FAT3: variants seen among roughly 807,000 people sequenced by gnomAD.
FAT3 encodes protocadherin Fat 3.
A neutral mutation model predicts 310.2 loss-of-function variants in FAT3; 95 were observed. That is an observed-to-expected ratio of 0.31 (90% confidence interval 0.26 to 0.36). The LOEUF (loss-of-function observed/expected upper bound fraction) is 0.36. FAT3 is among the 10% of genes least tolerant of loss of function. The pLI is 1.00. For missense variants in FAT3, 5,408 were observed against 5,715.6 expected (o/e 0.95, Z 1.74); for synonymous variants, 2,314 against 2,192.9 (o/e 1.06, Z -1.54).
chr11:92,781,080 T>TTA (rs1946739573), intron 7 of FAT3, among the ~76,000 whole-genome samples: 1 of 145,812 alleles, frequency 6.9e-6, no homozygotes, highest in Non-Finnish European at 1.5e-5. Flanking sequence ...TTATTCTTTT[T>TTA]TTTTTTTTTT....
chr11:92,461,532 A>G (rs776767551), intron 2 of FAT3, among the ~76,000 whole-genome samples: 3 of 152,174 alleles, frequency 2.0e-5, no homozygotes, highest in Non-Finnish European at 2.9e-5. Context: ...GAAGAATCTT[A>G]CTTGAGCAGT....
Position 92,352,964 on chromosome 11 carries a change from G to A in FAT3, c.852G>A (p.Val284=). 1 of 1,613,848 alleles carries A rather than the reference G, an allele frequency of 6.2e-7. No homozygotes were observed. The highest frequency in any genetic ancestry group is 8.5e-7 in the Non-Finnish European group (1 of 1,179,848). ...FSLEKEPTYA[V]VTVDDLDDGA... ...TGGAAAAAGAGCCAACATATGCAGTGGTGACAGTTGATGACTTAGATGATG... is the reference window on the plus strand; with the variant it reads ...TGGAAAAAGAGCCAACATATGCAGTAGTGACAGTTGATGACTTAGATGATG... The change falls in exon 2 of 28, where the codon GTG becomes GTA. Residue 284 remains valine, a synonymous_variant. Coordinates refer to ENST00000525166, the MANE Select transcript of FAT3 (RefSeq NM_001367949.2).
chr11:92,589,413 G>A (rs1208384346), intron 3 of FAT3, among the ~76,000 whole-genome samples: 1 of 152,034 alleles, frequency 6.6e-6, no homozygotes, highest in Non-Finnish European at 1.5e-5. Context: ...TTTGTCAAAG[G>A]ACACATGACT....
rs536684855 is a variant in FAT3 at position 92,798,626 on chromosome 11, T to C, written c.5613T>C (p.Ile1871=). Residue 1871 remains isoleucine, a synonymous_variant, in exon 10 of 28, where the codon ATT becomes ATC. Coordinates refer to ENST00000525166, the MANE Select transcript of FAT3 (RefSeq NM_001367949.2). ...CAGAGAGTCCCGTTGAAGTCAACATTGAGGTGACAGATGTGAATGATAACC... is the reference window on the plus strand; with the variant it reads ...CAGAGAGTCCCGTTGAAGTCAACATCGAGGTGACAGATGTGAATGATAACC... ...LTAESPVEVN[I]EVTDVNDNPP... The C allele has an allele frequency of 1.6e-5, 26 of 1,613,776 alleles. No individual in the cohort carries two copies. The East Asian group carries it at 5.6e-4, about 35-fold the overall frequency.
intron 4 of FAT3, among the ~76,000 whole-genome samples, chr11:92,752,170 T>A (rs753639466): frequency 1.4e-4 from 22 of 152,260 alleles, no homozygotes; most frequent in Non-Finnish European, 2.5e-4. Flanking sequence ...AAAGCAGCCA[T>A]AGATAATATG....
Position 92,355,520 on chromosome 11 carries a change from G to T in FAT3, c.3292+116G>T, listed in dbSNP as rs11820211. 580 of 1,001,194 alleles carry T rather than the reference G, an allele frequency of 5.8e-4. 3 individuals carry two copies. The African/African-American group carries it at 8.7e-3, about 15-fold the overall frequency. The allele number at this position is 1,001,194 out of a possible 1,614,324, so 62.0% of individuals were successfully genotyped here. A position where few individuals can be genotyped will look rare whatever the true frequency, so the allele number is the denominator to read the frequency against. On this transcript the variant is annotated intron_variant, in intron 2 of 27. Transcript: ENST00000525166. ...AGAATGACAAATGAGGTTGCATTTG[G>T]TGCAGAGACGACGCACATAGATGCT...
At chr11:92,287,820 G>A (rs1174619627) in intron 1 of FAT3, among the ~76,000 whole-genome samples, 1 of 152,096 alleles carries the variant, frequency 6.6e-6, no homozygotes, top group African/African-American at 2.4e-5. Context: ...AGGTTCCCAG[G>A]TAGCAGCTCT....
chr11:92,421,414 T>A (rs1950530611), intron 2 of FAT3, among the ~76,000 whole-genome samples: 1 of 152,304 alleles, frequency 6.6e-6, no homozygotes, highest in Admixed American at 6.5e-5. Flanking sequence ...TGTTTAAATA[T>A]CTATTGAGCC....
intron 2 of FAT3, among the ~76,000 whole-genome samples, chr11:92,430,289 A>G (rs1316839322): frequency 6.6e-6 from 1 of 151,980 alleles, no homozygotes; most frequent in Non-Finnish European, 1.5e-5. Context: ...ACCTCTTATC[A>G]ATGTTCTTAG....
At chr11:92,649,424 T>A (rs1942288265) in intron 3 of FAT3, among the ~76,000 whole-genome samples, 1 of 152,168 alleles carries the variant, frequency 6.6e-6, no homozygotes, top group African/African-American at 2.4e-5. Context: ...AAAAAGCTAT[T>A]GCCAAGGTGA....
chr11:92,227,991 T>C (rs1299777163), intron 1 of FAT3, among the ~76,000 whole-genome samples: 2 of 151,730 alleles, frequency 1.3e-5, no homozygotes, highest in African/African-American at 4.8e-5. Flanking sequence ...TGATATTCAA[T>C]CATGAATCTC....
intron 2 of FAT3, among the ~76,000 whole-genome samples, chr11:92,426,940 G>T (rs1950647655): frequency 6.6e-6 from 1 of 152,118 alleles, no homozygotes; most frequent in Non-Finnish European, 1.5e-5. Context: ...AATGGGTATA[G>T]CATTGAACCT....
At chr11:92,632,914 G>T (rs1375703438) in intron 3 of FAT3, among the ~76,000 whole-genome samples, 1 of 152,168 alleles carries the variant, frequency 6.6e-6, no homozygotes, top group Admixed American at 6.5e-5. Flanking sequence ...TACAGTCACT[G>T]CCCCTAACAA....
chr11:92,328,606 T>C (rs964816252), intron 1 of FAT3, among the ~76,000 whole-genome samples: 1 of 152,198 alleles, frequency 6.6e-6, no homozygotes, highest in Non-Finnish European at 1.5e-5. Flanking sequence ...CATCCAATGC[T>C]CTGGCTTCTG....
chr11:92,670,255 G>A (rs573766575), intron 3 of FAT3, among the ~76,000 whole-genome samples: 76 of 152,266 alleles, frequency 5.0e-4, no homozygotes, highest in African/African-American at 1.7e-3. Context: ...TGATAGGGAG[G>A]TTTTATTGCT....
chr11:92,494,365 A>G (rs933856952), intron 2 of FAT3, among the ~76,000 whole-genome samples: 26 of 152,026 alleles, frequency 1.7e-4, no homozygotes, highest in African/African-American at 5.6e-4. Flanking sequence ...TAGTCACTCA[A>G]TAAAATATCA....
intron 1 of FAT3, among the ~76,000 whole-genome samples, chr11:92,320,027 G>A (rs1383288822): frequency 6.6e-6 from 1 of 152,206 alleles, no homozygotes; most frequent in African/African-American, 2.4e-5. Context: ...GACACTCCAG[G>A]ATGGGTTATT....
intron 8 of FAT3, 125 bp downstream of exon 8, chr11:92,790,343 A>C (rs886509072): frequency 4.7e-6 from 5 of 1,056,744 alleles, no homozygotes; most frequent in Non-Finnish European, 6.9e-6. Context: ...CTTTTCACAG[A>C]GAGATTGCAT....
intron 2 of FAT3, among the ~76,000 whole-genome samples, chr11:92,503,071 C>A (rs566761629): frequency 6.6e-6 from 1 of 152,142 alleles, no homozygotes; most frequent in East Asian, 1.9e-4. Context: ...TTAAGACTAG[C>A]TGGTGAAGTC....
Sources: gnomAD v4.1 joint callset for allele counts (sites outside exome capture counted in the v4.1 genomes callset) on GRCh38, gnomAD v4.1.1 for gene constraint, MANE v1.5 for transcripts, NCBI Gene and HGNC (gene_info 2026-07-23, HGNC 2026-07-21) for gene names.